The following EML5 variants were observed in gnomAD, a reference collection of about 807,000 sequenced individuals.
The protein encoded by EML5 is EMAP like 5.
EML5 carries 120 observed loss-of-function variants against 250.0 expected under a neutral mutation model. The ratio of observed to expected loss-of-function variants is 0.48; its 90% confidence interval spans 0.41 to 0.56. EML5 has a LOEUF of 0.56. EML5 is among the 20% of genes least tolerant of loss of function. The probability of loss-of-function intolerance (pLI) is 0.00; values close to 1 mark genes in which losing one functional copy is unlikely to be tolerated. For missense variants in EML5, 2,006 were observed against 2,437.6 expected (o/e 0.82, Z 3.73); for synonymous variants, 771 against 806.5 (o/e 0.96, Z 0.75).
chr14:88,727,121 C>A (rs61986669), intron 7 of EML5, among the ~76,000 whole-genome samples: 33,391 of 152,032 alleles, frequency 0.22, 3,975 homozygotes, highest in East Asian at 0.37. Flanking sequence ...AATGTTTTGC[C>A]ATCTAATTGA....
chr14:88,703,918 C>CATTAA (rs1405050640), intron 13 of EML5, among the ~76,000 whole-genome samples: 1 of 152,116 alleles, frequency 6.6e-6, no homozygotes, highest in Non-Finnish European at 1.5e-5. Context: ...ATGAAACTTT[C>CATTAA]ATAAGACAAA....
chr14:88,659,768 T>C (rs1332404740), intron 25 of EML5, among the ~76,000 whole-genome samples: 1 of 152,216 alleles, frequency 6.6e-6, no homozygotes, highest in Non-Finnish European at 1.5e-5. Flanking sequence ...AAAACAGGAA[T>C]CAGTGGAATA....
chr14:88,740,679 T>G (rs2093911772), intron 4 of EML5, 107 bp from the exon 5 acceptor site: 1 of 972,256 alleles, frequency 1.0e-6, no homozygotes. Flanking sequence ...AAAAATTAAC[T>G]AAGAAATTGC....
Position 88,695,395 on chromosome 14 carries a change from C to T in EML5, c.2404G>A (p.Asp802Asn). The change falls in exon 16 of 44, where the codon GAC becomes AAC. Residue 802 changes from aspartate to asparagine, a missense_variant. Asp to Asn is a conservative substitution (Grantham distance 23). This residue lies in a region of EML5 where 1,375 missense variants were observed against 1,590.3 expected (regional missense o/e 0.86). Transcript: ENST00000554922. ...GAAAGTTTCTCTCCTTTCTTCCAGT[C>T]CCAGAGCACAACAGTATGGCTATCA... ...IDDSHTVVLW[D>N]WKKGEKLSIA... 6.2e-7 allele frequency: 1 copy of T among 1,612,226 alleles called. No homozygotes were observed. Among genetic ancestry groups the T allele is most frequent in the Non-Finnish European group, 8.5e-7 (1 of 1,179,176 alleles).
At position 88,616,740 on chromosome 14, in the gene EML5, A is replaced by T. The variant is rs2087684134; in HGVS notation, c.5782T>A (p.Cys1928Ser). ...CACAAACTTACAAATTTTTCTGGACATGGGAAGTCAAATAACTTAACCATG... is the reference window on the plus strand; with the variant it reads ...CACAAACTTACAAATTTTTCTGGACTTGGGAAGTCAAATAACTTAACCATG... ...FGMVKLFDFP[C>S]PEKFAKHKRF... The change falls in exon 42 of 44, where the codon TGT becomes AGT. Residue 1928 changes from cysteine (C) to serine (S), a missense_variant. Around this residue, in one of 7 missense-constraint regions of EML5, gnomAD observed 3 missense variants for 19.7 expected, o/e 0.15. Transcript: ENST00000554922. The T allele has an allele frequency of 3.1e-6, 5 of 1,613,354 alleles. No homozygotes were observed. The highest frequency in any genetic ancestry group is 4.2e-6 in the Non-Finnish European group (5 of 1,179,596).
chr14:88,757,180 C>G (rs2094172334), intron 1 of EML5, among the ~76,000 whole-genome samples: 1 of 152,136 alleles, frequency 6.6e-6, no homozygotes, highest in African/African-American at 2.4e-5. Flanking sequence ...CATTTGTGGT[C>G]AACTGATTTC....
chr14:88,655,539 G>A (rs1181911933), intron 27 of EML5, among the ~76,000 whole-genome samples: 3 of 152,096 alleles, frequency 2.0e-5, no homozygotes, highest in African/African-American at 7.2e-5. Context: ...AGAAAACCTA[G>A]CTAATACCAT....
intron 7 of EML5, among the ~76,000 whole-genome samples, chr14:88,728,478 A>C (rs2093701502): frequency 6.6e-6 from 1 of 152,220 alleles, no homozygotes; most frequent in African/African-American, 2.4e-5. Context: ...ATATGTACTA[A>C]TACTGTATAC....
Position 88,657,456 on chromosome 14 carries a change from G to A in EML5, c.3924C>T (p.Ile1308=). 1 of 1,606,212 alleles carries A rather than the reference G, an allele frequency of 6.2e-7. No individual in the cohort carries two copies. The highest frequency in any genetic ancestry group is 8.5e-7 in the Non-Finnish European group (1 of 1,176,098). Residue 1308 remains isoleucine, a synonymous_variant, in exon 27 of 44, where the codon ATC becomes ATT. Transcript: ENST00000554922. Reference sequence around the variant, plus strand: ...GGCGAATATTTGTTGATAAGGCTCTGATGGTGTAACTGATTTCATTCTCCC... The same window carrying A: ...GGCGAATATTTGTTGATAAGGCTCTAATGGTGTAACTGATTTCATTCTCCC... ...VTRENEISYT[I]RALSTNIRPM...
intron 27 of EML5, among the ~76,000 whole-genome samples, chr14:88,656,598 C>T (rs531167244): frequency 6.6e-6 from 1 of 152,012 alleles, no homozygotes; most frequent in South Asian, 2.1e-4. Flanking sequence ...CACATGTATC[C>T]CAGAACTTAA....
intron 1 of EML5, among the ~76,000 whole-genome samples, chr14:88,765,458 C>T (rs200299305): frequency 2.6e-5 from 4 of 152,134 alleles, no homozygotes; most frequent in South Asian, 2.1e-4. Flanking sequence ...CAATCAGCAA[C>T]GGCACATTGA....
chr14:88,621,459 G>T (rs1341519153), intron 37 of EML5, 158 bp from the exon 38 acceptor site: 1 of 697,070 alleles, frequency 1.4e-6, no homozygotes, highest in Non-Finnish European at 2.5e-6. Flanking sequence ...ATTTTTCTAT[G>T]ACTACAGGCA....
intron 2 of EML5, among the ~76,000 whole-genome samples, chr14:88,750,246 T>C (rs2094072261): frequency 1.3e-5 from 2 of 152,178 alleles, no homozygotes; most frequent in Admixed American, 6.5e-5. Context: ...TTAGCCTCCC[T>C]GTACCTTACT....
chr14:88,748,270 CA>C (rs2094037788), intron 2 of EML5, among the ~76,000 whole-genome samples: 1 of 152,130 alleles, frequency 6.6e-6, no homozygotes, highest in Non-Finnish European at 1.5e-5. Flanking sequence ...AGAAAAAGAA[CA>C]ATTACTAGAG....
intron 17 of EML5, among the ~76,000 whole-genome samples, chr14:88,692,703 C>T (rs4243685): frequency 0.19 from 28,226 of 152,076 alleles, 3,168 homozygotes; most frequent in East Asian, 0.47. Context: ...GACTAAGGTG[C>T]CCAAATGAAG....
At chr14:88,697,081 T>C (rs2093096351) in intron 14 of EML5, 129 bp from the exon 15 acceptor site, 4 of 603,176 alleles carry the variant, frequency 6.6e-6, no homozygotes, top group Middle Eastern at 4.8e-4. Flanking sequence ...AATAAAAATT[T>C]AAAGCAAACT....
intron 1 of EML5, among the ~76,000 whole-genome samples, chr14:88,761,286 T>TGG (rs2094239145): frequency 6.6e-6 from 1 of 152,268 alleles, no homozygotes; most frequent in African/African-American, 2.4e-5. Flanking sequence ...TGTGTCATGG[T>TGG]GGTTTGCTGC....
At chr14:88,634,261 C>T (rs2090600199) in intron 33 of EML5, among the ~76,000 whole-genome samples, 1 of 152,170 alleles carries the variant, frequency 6.6e-6, no homozygotes, top group Admixed American at 6.5e-5. Flanking sequence ...TTGCCTTCCA[C>T]CATGATTGTA....
chr14:88,782,859 C>A lies in EML5; in HGVS notation c.197+9448G>T, dbSNP rs187141240. 6.1e-4 allele frequency among the ~76,000 whole-genome samples: 93 copies of A among 152,284 alleles called. 1 individual carries two copies. In the East Asian group the frequency reaches 0.016, roughly 26 times the overall value. On this transcript the variant is annotated intron_variant, in intron 1 of 43. Coordinates refer to ENST00000554922, the MANE Select transcript of EML5 (RefSeq NM_183387.3). Reference sequence around the variant, plus strand: ...CTTTGGGAGGCTGAGGTGGGTGGATCACCTGAGGTCAGGAGTTCAAGATCA... The same window carrying A: ...CTTTGGGAGGCTGAGGTGGGTGGATAACCTGAGGTCAGGAGTTCAAGATCA...
Sources: gnomAD v4.1 joint callset for allele counts (sites outside exome capture counted in the v4.1 genomes callset) on GRCh38, gnomAD v4.1.1 for gene constraint, gnomAD v4.1.1 regional missense constraint, MANE v1.5 for transcripts, NCBI Gene and HGNC (gene_info 2026-07-23, HGNC 2026-07-21) for gene names.